Variants in SLX9 observed in about 807,000 individuals in gnomAD.
SLX9 encodes SLX9 ribosome biogenesis factor.
A neutral mutation model predicts 20.8 loss-of-function variants in SLX9; 19 were observed. The ratio of observed to expected loss-of-function variants is 0.91; its 90% CI spans 0.64 to 1.34. The LOEUF is 1.34. Among genes scored for constraint, SLX9 ranks in the 40% most tolerant of loss-of-function variants. SLX9 has a pLI of 0.00. For missense variants in SLX9, 299 were observed against 322.2 expected, an observed-to-expected ratio of 0.93 and a Z score of 0.55; for synonymous variants, 113 against 137.1, an observed-to-expected ratio of 0.82 and a Z score of 1.23.
chr21:44,974,524 T>C (rs749891846), intron 5 of SLX9, among the ~76,000 whole-genome samples: 129 of 152,354 alleles, frequency 8.5e-4, no homozygotes, highest in Non-Finnish European at 1.6e-3. Context: ...AGGTGAAGTA[T>C]AGATAGTATA....
At chr21:44,949,858 CACCTGCGGTGGAGGG>C (rs899243725) in intron 2 of SLX9, among the ~76,000 whole-genome samples, 5 of 152,220 alleles carry the variant, frequency 3.3e-5, no homozygotes, top group African/African-American at 7.2e-5. Context: ...CACCCCCAGG[CACCTGCGGTGGAGGG>C]ACCTGCGGTG....
At chr21:44,944,411 G>C (rs1321467721) in intron 2 of SLX9, among the ~76,000 whole-genome samples, 1 of 152,164 alleles carries the variant, frequency 6.6e-6, no homozygotes, top group Non-Finnish European at 1.5e-5. Flanking sequence ...TCCAGTGTCC[G>C]GAGCTTAGCA....
intron 2 of SLX9, among the ~76,000 whole-genome samples, chr21:44,951,165 GTC>G (rs1293917593): frequency 6.6e-6 from 1 of 152,150 alleles, no homozygotes; most frequent in Non-Finnish European, 1.5e-5. Context: ...CTGTGCCTGT[GTC>G]TCATGGCCTG....
At chr21:44,975,686 A>T (rs549639138) in intron 5 of SLX9, among the ~76,000 whole-genome samples, 2 of 152,210 alleles carry the variant, frequency 1.3e-5, no homozygotes, top group African/African-American at 4.8e-5. Context: ...AGTAATGTCC[A>T]GGCTGTGACT....
Position 44,960,164 on chromosome 21 carries a change from G to A in SLX9, c.348G>A (p.Leu116=), listed in dbSNP as rs746113024. 1 of 1,614,244 alleles carries A rather than the reference G, an allele frequency of 6.2e-7. No homozygotes were observed. Among genetic ancestry groups the A allele is most frequent in the South Asian group, 1.1e-5 (1 of 91,082 alleles). Residue 116 remains leucine (L), a synonymous_variant, in exon 3 of 6, where the codon TTG becomes TTA. Coordinates refer to ENST00000291634, the MANE Select transcript of SLX9 (RefSeq NM_058190.4). ...TGAAGCTGAGGCGTGAGCAATGGTT[G>A]CAGAGTAAGTCCATGCCTGCGTCTT... ...EKMKLRREQW[L]QKIEAIKLAE...
intron 2 of SLX9, chr21:44,958,480 G>A (rs986471413): frequency 1.3e-5 from 2 of 152,350 alleles, no homozygotes; most frequent in Non-Finnish European, 2.9e-5. Context: ...CCACCACAGG[G>A]TGGGGTGCGC....
intron 3 of SLX9, 51 bp downstream of exon 3, chr21:44,960,219 G>T: frequency 3.9e-6 from 6 of 1,535,806 alleles, no homozygotes; most frequent in Non-Finnish European, 4.5e-6. Context: ...GTCCCATCCC[G>T]TGGGCCCTCC....
chr21:44,956,245 T>TA lies in SLX9; in HGVS notation c.284-3852dup, dbSNP rs1601396639. On this transcript the variant is annotated intron_variant, in intron 2 of 5. Transcript: ENST00000291634. ...TGTTATTTTTTTCTCTGCGGAGGTT[T>TA]AAAGTTTCTCTGTAGCAAATTCGGT... 2.0e-5 allele frequency among the ~76,000 whole-genome samples: 3 copies of TA among 152,366 alleles called. No individual in the cohort carries two copies. The East Asian group carries it at 5.8e-4, about 29-fold the overall frequency.
intron 2 of SLX9, among the ~76,000 whole-genome samples, chr21:44,947,910 A>C (rs944744531): frequency 6.6e-6 from 1 of 152,158 alleles, no homozygotes; most frequent in African/African-American, 2.4e-5. Context: ...TGTGGACCCC[A>C]TGTCGGGGCT....
chr21:44,947,345 G>A (rs1040247289), intron 2 of SLX9, among the ~76,000 whole-genome samples: 12 of 152,322 alleles, frequency 7.9e-5, no homozygotes, highest in Admixed American at 6.5e-4. Flanking sequence ...CTCATCGTCC[G>A]TGCCCTGCCT....
intron 2 of SLX9, among the ~76,000 whole-genome samples, chr21:44,946,956 G>C (rs2084654416): frequency 6.6e-5 from 10 of 152,220 alleles, no homozygotes. Context: ...CAGACCCTTA[G>C]AGGAGTAGCC....
Position 44,967,096 on chromosome 21 carries a change from G to T in SLX9, c.415G>T (p.Val139Leu). Residue 139 changes from valine (V) to leucine (L), a missense_variant, in exon 4 of 6, where the codon GTG (valine) becomes TTG (leucine). Physicochemically the swap from Val to Leu is conservative, Grantham distance 32. Coordinates refer to ENST00000291634, the MANE Select transcript of SLX9 (RefSeq NM_058190.4). Reference sequence around the variant, plus strand: ...GGAGGAGCGGAGGCGGAGGGCCACGGTGGTGGTGGGGGACCTGCACCCTCT... The same window carrying T: ...GGAGGAGCGGAGGCGGAGGGCCACGTTGGTGGTGGGGGACCTGCACCCTCT... The part of the protein sequence containing the change: ...HREERRRRAT[V>L]VVGDLHPLRD... 2.5e-6 allele frequency: 4 copies of T among 1,611,588 alleles called. No homozygotes were observed. Among genetic ancestry groups the T allele is most frequent in the Middle Eastern group, 2.1e-4 (1 of 4,708 alleles).
chr21:44,943,487 G>A (rs575666551), intron 1 of SLX9, among the ~76,000 whole-genome samples, 197 bp from the exon 2 acceptor site: 6 of 152,156 alleles, frequency 3.9e-5, no homozygotes, highest in East Asian at 1.9e-4. Context: ...TGGGCGCTGC[G>A]GGTCTGCCCT....
chr21:44,974,178 G>A (rs1168807718), intron 5 of SLX9, among the ~76,000 whole-genome samples: 1 of 152,210 alleles, frequency 6.6e-6, no homozygotes, highest in Non-Finnish European at 1.5e-5. Context: ...GTTTTAGTTA[G>A]CTGCTGGGAT....
At position 44,960,102 on chromosome 21, in the gene SLX9, G is replaced by A; in HGVS notation, c.286G>A (p.Ala96Thr). The A allele has an allele frequency of 1.2e-6, 2 of 1,614,220 alleles. No homozygotes were observed. The highest frequency in any genetic ancestry group is 1.1e-5 in the South Asian group (1 of 91,090). The change falls in exon 3 of 6, where the codon GCA (alanine) becomes ACA (threonine). Residue 96 changes from alanine to threonine, a missense_variant and splice_region_variant. By Grantham distance (58) the Ala-to-Thr change is moderately conservative. Transcript: ENST00000291634. ...ACTCCCGTGTTCTCTTTCCTCAGGT[G>A]CAGAGGCCAAGACCGTTTTGCCCAA... ...ARSVPSIRRG[A>T]EAKTVLPKKE... is the part of the protein sequence containing the mutation.
chr21:44,952,307 A>G (rs2084773356), intron 2 of SLX9, among the ~76,000 whole-genome samples: 2 of 152,156 alleles, frequency 1.3e-5, no homozygotes, highest in African/African-American at 4.8e-5. Context: ...GCCTTTTTCT[A>G]TTTGCCAGAC....
At chr21:44,945,938 T>C (rs2085883649) in intron 2 of SLX9, among the ~76,000 whole-genome samples, 1 of 151,978 alleles carries the variant, frequency 6.6e-6, no homozygotes, top group Non-Finnish European at 1.5e-5. Context: ...TTTCACCCCG[T>C]TGGCCGGGAT....
At chr21:44,947,808 C>G (rs962190752) in intron 2 of SLX9, among the ~76,000 whole-genome samples, 1 of 152,196 alleles carries the variant, frequency 6.6e-6, no homozygotes, top group Non-Finnish European at 1.5e-5. Context: ...GTCCCCTCCC[C>G]GCCCCAGCTC....
chr21:44,970,867 C>T (rs1467330554), intron 4 of SLX9, among the ~76,000 whole-genome samples: 1 of 148,542 alleles, frequency 6.7e-6, no homozygotes. Flanking sequence ...CCCCTCCCAA[C>T]CCTCAGTCCC....
Sources: allele counts gnomAD v4.1 joint callset (sites outside exome capture counted in the v4.1 genomes callset), GRCh38; gene constraint gnomAD v4.1.1; transcripts MANE v1.5; gene names NCBI Gene and HGNC (gene_info 2026-07-23, HGNC 2026-07-21).